Variants in OXSR1 observed in about 807,000 individuals in gnomAD.
OXSR1 encodes the protein oxidative stress responsive kinase 1.
OXSR1 carries 24 observed loss-of-function variants against 79.8 expected under a neutral mutation model. That is an observed-to-expected ratio of 0.30 (90% CI 0.22 to 0.42). OXSR1 has a LOEUF of 0.42. Ranked by LOEUF, OXSR1 falls within the 10% of genes least tolerant of loss-of-function variation. OXSR1 has a pLI of 1.00. For synonymous variants in OXSR1, 226 were observed against 209.2 expected, an observed-to-expected ratio of 1.08 and a Z score of -0.69; for missense variants, 430 against 618.4, an observed-to-expected ratio of 0.70 and a Z score of 3.23.
intron 8 of OXSR1, among the ~76,000 whole-genome samples, chr3:38,226,213 AT>A (rs1397327109): frequency 6.6e-6 from 1 of 152,118 alleles, no homozygotes; most frequent in African/African-American, 2.4e-5. Context: ...ACAATCCAAA[AT>A]TAAGAAACAC....
At chr3:38,251,605 A>G in intron 16 of OXSR1, 134 bp downstream of exon 16, 2 of 711,940 alleles carry the variant, frequency 2.8e-6, no homozygotes, top group Non-Finnish European at 5.0e-6. Context: ...CTGAAATTAT[A>G]GGTAATGGGA....
chr3:38,179,618 A>G (rs1019313875), intron 1 of OXSR1, among the ~76,000 whole-genome samples: 27 of 152,184 alleles, frequency 1.8e-4, no homozygotes, highest in Admixed American at 6.5e-4. Flanking sequence ...ATTGTCCCTC[A>G]GTATATGTGG....
At chr3:38,181,263 G>T (rs1229605025) in intron 1 of OXSR1, among the ~76,000 whole-genome samples, 1 of 150,324 alleles carries the variant, frequency 6.7e-6, no homozygotes, top group Non-Finnish European at 1.5e-5. Flanking sequence ...TTTGATAATT[G>T]TATGTTTCAG....
intron 12 of OXSR1, among the ~76,000 whole-genome samples, chr3:38,244,153 A>G (rs537575384): frequency 1.3e-5 from 2 of 152,254 alleles, no homozygotes; most frequent in African/African-American, 4.8e-5. Context: ...ATGAGAGGCT[A>G]TTTTACAGAT....
intron 4 of OXSR1, among the ~76,000 whole-genome samples, chr3:38,203,170 C>T (rs1019504298): frequency 3.3e-5 from 5 of 152,162 alleles, no homozygotes; most frequent in Admixed American, 1.3e-4. Flanking sequence ...CTTATAAGTG[C>T]GTAGAAGAAA....
intron 3 of OXSR1, chr3:38,193,406 A>G: frequency 7.8e-7 from 1 of 1,287,412 alleles, no homozygotes; most frequent in South Asian, 1.2e-5. Context: ...ATGGAGAGAT[A>G]TGGGAGTATT....
In OXSR1 at chr3:38,254,155, A is replaced by G. The variant is rs1276956529; in HGVS notation, c.*1264A>G. 2.5e-6 allele frequency: 1 copy of G among 398,692 alleles called. No homozygotes were observed. The highest frequency in any genetic ancestry group is 4.4e-6 in the Non-Finnish European group (1 of 225,888). 24.7% of individuals were successfully genotyped at this position (398,692 alleles called of 1,614,324 possible). A position where few individuals can be genotyped will look rare whatever the true frequency, so the allele number is the denominator to read the frequency against. On this transcript the variant is annotated 3_prime_UTR_variant, in exon 18 of 18. Transcript: ENST00000311806. The stretch of plus-strand genomic sequence containing the variant: ...GTTTTATATATGAGTGGGATACTCA[A>G]TCTGGCCTTAAAAAGATACACAAAG...
intron 4 of OXSR1, among the ~76,000 whole-genome samples, chr3:38,214,241 T>G (rs999211002): frequency 6.6e-6 from 1 of 151,944 alleles, no homozygotes; most frequent in Admixed American, 6.6e-5. Context: ...TAATAGTTGT[T>G]AAAAATTTAA....
chr3:38,204,096 G>C (rs988225743), intron 4 of OXSR1, among the ~76,000 whole-genome samples: 22 of 152,076 alleles, frequency 1.4e-4, no homozygotes, highest in African/African-American at 5.3e-4. Flanking sequence ...AAGTAGAGGA[G>C]TCTCTCCCCG....
rs977102922 is a variant in OXSR1 at position 38,165,756 on chromosome 3, C to G, written c.-121C>G. The G allele has an allele frequency of 8.9e-6, 8 of 903,792 alleles. No individual in the cohort carries two copies. The African/African-American group carries it at 1.2e-4, about 13-fold the overall frequency. 56.0% of individuals were successfully genotyped at this position (903,792 alleles called of 1,614,324 possible). On this transcript the variant is annotated 5_prime_UTR_variant, in exon 1 of 18. Transcript: ENST00000311806. ...GGCGCCGTCCGACCCGTGGCTGTTC[C>G]GAGACGATTGGTGGGGGCGCGGCGG...
intron 11 of OXSR1, among the ~76,000 whole-genome samples, chr3:38,237,413 G>A (rs1401615445): frequency 6.6e-6 from 1 of 152,144 alleles, no homozygotes; most frequent in East Asian, 1.9e-4. Context: ...GTGAAGACAA[G>A]AGTCTTCCTT....
chr3:38,233,074 C>T (rs1312194407), intron 10 of OXSR1, among the ~76,000 whole-genome samples: 4 of 152,040 alleles, frequency 2.6e-5, no homozygotes, highest in African/African-American at 9.7e-5. Context: ...CTGGTCCCTC[C>T]CCCACTCCAT....
chr3:38,228,540 G>A (rs1036178014), intron 8 of OXSR1, among the ~76,000 whole-genome samples: 12 of 152,116 alleles, frequency 7.9e-5, no homozygotes, highest in African/African-American at 2.7e-4. Flanking sequence ...GCTTTAATTG[G>A]TTTGAGGTAC....
intron 17 of OXSR1, among the ~76,000 whole-genome samples, 172 bp downstream of exon 17, chr3:38,252,564 C>T (rs1280179333): frequency 1.3e-5 from 2 of 152,164 alleles, no homozygotes; most frequent in Non-Finnish European, 1.5e-5. Flanking sequence ...GCCACTCTTC[C>T]TCTGTCCATG....
chr3:38,186,014 T>A (rs1192777309), intron 2 of OXSR1, among the ~76,000 whole-genome samples: 1 of 145,382 alleles, frequency 6.9e-6, no homozygotes, highest in East Asian at 2.0e-4. Flanking sequence ...GAGCTTCTAA[T>A]TGTGAAAATG....
chr3:38,252,936 G>A lies in OXSR1; in HGVS notation c.*45G>A, dbSNP rs368455057. The A allele has an allele frequency of 1.4e-4, 203 of 1,484,446 alleles. 1 individual carries two copies. The African/African-American group carries it at 1.9e-3, about 14-fold the overall frequency. The allele number at this position is 1,484,446 out of a possible 1,614,324, so 92.0% of individuals were successfully genotyped here. ...CGGCCTAAGGAGATTCCACACATGC[G>A]TATCTCTGTTGCTTCTATTGGCCTA... On this transcript the variant is annotated 3_prime_UTR_variant, in exon 18 of 18. Coordinates refer to ENST00000311806, the MANE Select transcript of OXSR1 (RefSeq NM_005109.3).
rs748799742 is a variant in OXSR1, at chr3:38,236,887, G to A, written c.1000G>A (p.Gly334Arg). The A allele has an allele frequency of 3.8e-5, 62 of 1,612,712 alleles. No homozygotes were observed. The highest frequency in any genetic ancestry group is 9.3e-6 in the Non-Finnish European group (11 of 1,179,094). ...SSGRLHKTEDGGWEWSDDEFD... is the reference protein window; with the variant it reads ...SSGRLHKTEDRGWEWSDDEFD... The stretch of plus-strand genomic sequence containing the variant: ...TGGGCGTCTTCATAAGACAGAGGAT[G>A]GAGGCTGGGAGTGGAGTGATGATGA... Residue 334 changes from glycine (G) to arginine (R), a missense_variant, in exon 11 of 18, where the codon GGA becomes AGA. By Grantham distance (125) the Gly-to-Arg change is moderately radical. This residue lies in a region of OXSR1 where 276 missense variants were observed against 354.2 expected (regional missense o/e 0.78). Transcript: ENST00000311806.
At chr3:38,235,436 G>C (rs997943367) in intron 10 of OXSR1, among the ~76,000 whole-genome samples, 2 of 152,132 alleles carry the variant, frequency 1.3e-5, no homozygotes, top group Non-Finnish European at 2.9e-5. Flanking sequence ...TTTGAGTAAA[G>C]AGAATTCCAG....
intron 10 of OXSR1, 71 bp from the exon 11 acceptor site, chr3:38,236,768 G>T: frequency 7.4e-7 from 1 of 1,360,378 alleles, no homozygotes; most frequent in Non-Finnish European, 1.0e-6. Context: ...TAGAAGAAGA[G>T]AGAAATATGG....
Sources: gnomAD v4.1 joint callset for allele counts (sites outside exome capture counted in the v4.1 genomes callset) on GRCh38, gnomAD v4.1.1 for gene constraint, gnomAD v4.1.1 regional missense constraint, MANE v1.5 for transcripts, NCBI Gene and HGNC (gene_info 2026-07-23, HGNC 2026-07-21) for gene names.